Variants in AIG1 observed in about 807,000 individuals in gnomAD.
AIG1 encodes the protein androgen induced 1, also known as androgen-induced gene 1 protein.
AIG1 carries 23 observed loss-of-function variants against 31.4 expected under a neutral mutation model. The ratio of observed to expected loss-of-function variants is 0.73; its 90% CI spans 0.53 to 1.04. The LOEUF is 1.04. AIG1 is among the 50% of genes least tolerant of loss of function. The probability of loss-of-function intolerance (pLI) is 0.00; values close to 1 mark genes in which losing one functional copy is unlikely to be tolerated. For synonymous variants in AIG1, 100 were observed against 110.5 expected (o/e 0.90, Z 0.60); for missense variants, 274 against 295.0 (o/e 0.93, Z 0.52).
chr6:143,301,701 A>C (rs1798836387), intron 4 of AIG1, among the ~76,000 whole-genome samples: 1 of 152,122 alleles, frequency 6.6e-6, no homozygotes, highest in Non-Finnish European at 1.5e-5. Context: ...GCATGGGGGA[A>C]ACTGCCCCCA....
chr6:143,142,529 C>T (rs1479314757), intron 2 of AIG1, among the ~76,000 whole-genome samples: 3 of 152,170 alleles, frequency 2.0e-5, no homozygotes, highest in Non-Finnish European at 4.4e-5. Flanking sequence ...TCTGCTGCAT[C>T]GCGGTATGAA....
intron 2 of AIG1, among the ~76,000 whole-genome samples, chr6:143,164,125 A>G (rs1158113578): frequency 6.6e-6 from 1 of 152,200 alleles, no homozygotes; most frequent in Non-Finnish European, 1.5e-5. Flanking sequence ...GAGATATAAA[A>G]TGAAGTCAAA....
At chr6:143,161,563 G>A (rs1305353011) in intron 2 of AIG1, among the ~76,000 whole-genome samples, 5 of 150,394 alleles carry the variant, frequency 3.3e-5, no homozygotes, top group South Asian at 4.2e-4. Context: ...ATGTGTGTGT[G>A]TGTGTACATA....
intron 1 of AIG1, among the ~76,000 whole-genome samples, chr6:143,126,058 AG>A (rs879712332): frequency 1.3e-5 from 2 of 152,180 alleles, no homozygotes; most frequent in Non-Finnish European, 2.9e-5. Context: ...TCCTTGAAAA[AG>A]CTTGGGCTTA....
intron 1 of AIG1, among the ~76,000 whole-genome samples, chr6:143,106,865 A>G (rs553201295): frequency 5.9e-4 from 90 of 152,296 alleles, no homozygotes; most frequent in Non-Finnish European, 1.1e-3. Context: ...ACAAGGAATG[A>G]TGGCTTCCTA....
chr6:143,191,491 A>G (rs1033313161), intron 3 of AIG1, among the ~76,000 whole-genome samples: 45 of 152,092 alleles, frequency 3.0e-4, no homozygotes, highest in African/African-American at 1.0e-3. Flanking sequence ...TGTCAGTGGG[A>G]TTTTAAAGTT....
chr6:143,285,064 A>T (rs1424286219), intron 4 of AIG1, among the ~76,000 whole-genome samples: 3 of 152,030 alleles, frequency 2.0e-5, no homozygotes, highest in African/African-American at 7.2e-5. Flanking sequence ...AAAGGACTGG[A>T]TAGTGTTCTT....
At chr6:143,092,219 C>G (rs1262130466) in intron 1 of AIG1, among the ~76,000 whole-genome samples, 1 of 152,060 alleles carries the variant, frequency 6.6e-6, no homozygotes. Context: ...ATCCTCCTGC[C>G]TCAGCCTCTC....
In AIG1 at chr6:143,087,252, GC is replaced by G. The variant is rs201677958; in HGVS notation, c.141+26187del. Among the ~76,000 whole-genome samples the G allele has an allele frequency of 2.8e-3, 426 of 152,258 alleles. 10 individuals are homozygous for G. The East Asian group carries it at 0.05, about 18-fold the overall frequency. Reference sequence around the variant, plus strand: ...CTTAGAGCTCCCAAGATGGTGGCGGGCTGCTCCCAAGGTGGTGGCAAGCCTT... The same window carrying G: ...CTTAGAGCTCCCAAGATGGTGGCGGGTGCTCCCAAGGTGGTGGCAAGCCTT... On this transcript the variant is annotated intron_variant, in intron 1 of 5. Transcript: ENST00000357847.
chr6:143,140,888 A>G (rs959744315), intron 2 of AIG1, among the ~76,000 whole-genome samples: 2 of 152,194 alleles, frequency 1.3e-5, no homozygotes, highest in African/African-American at 2.4e-5. Context: ...CTATAGCTAC[A>G]GGCGCAGAGC....
intron 4 of AIG1, among the ~76,000 whole-genome samples, chr6:143,323,324 T>C (rs185509297): frequency 1.3e-4 from 20 of 152,316 alleles, no homozygotes; most frequent in Non-Finnish European, 2.8e-4. Flanking sequence ...CCTGTGTGAC[T>C]GCACAGGATA....
At chr6:143,206,442 A>G (rs1791114218) in intron 3 of AIG1, among the ~76,000 whole-genome samples, 1 of 152,226 alleles carries the variant, frequency 6.6e-6, no homozygotes, top group East Asian at 1.9e-4. Context: ...CTTTGTAAAT[A>G]TAGGTGCCAC....
intron 1 of AIG1, among the ~76,000 whole-genome samples, chr6:143,065,532 G>A (rs1309001492): frequency 6.6e-6 from 1 of 152,072 alleles, no homozygotes; most frequent in Admixed American, 6.6e-5. Context: ...TGCCCCAAAA[G>A]ATAATAAAGA....
chr6:143,184,486 G>A (rs1789041464), intron 3 of AIG1, among the ~76,000 whole-genome samples: 1 of 152,152 alleles, frequency 6.6e-6, no homozygotes, highest in African/African-American at 2.4e-5. Context: ...TTTAAATCTT[G>A]TTATTTGTCT....
chr6:143,163,412 T>A (rs1008110438), intron 2 of AIG1, among the ~76,000 whole-genome samples: 1 of 152,176 alleles, frequency 6.6e-6, no homozygotes, highest in Admixed American at 6.6e-5. Context: ...TCTCATAGCA[T>A]CCCTTATTTT....
At chr6:143,066,585 A>G (rs932174072) in intron 1 of AIG1, among the ~76,000 whole-genome samples, 3 of 152,158 alleles carry the variant, frequency 2.0e-5, no homozygotes, top group Non-Finnish European at 4.4e-5. Flanking sequence ...AATTCTGCCT[A>G]TTTTCAAAAC....
intron 3 of AIG1, among the ~76,000 whole-genome samples, chr6:143,213,574 T>C (rs1315266612): frequency 7.0e-6 from 1 of 142,862 alleles, no homozygotes; most frequent in African/African-American, 2.7e-5. Context: ...TGGAGTGCAG[T>C]GGCACAATCT....
intron 2 of AIG1, among the ~76,000 whole-genome samples, chr6:143,152,460 T>C (rs893222604): frequency 2.6e-5 from 4 of 152,306 alleles, no homozygotes; most frequent in East Asian, 3.9e-4. Context: ...GTTTTTTTTT[T>C]CCAAAAGAAA....
chr6:143,295,926 A>G (rs1361604154), intron 4 of AIG1, among the ~76,000 whole-genome samples: 1 of 152,218 alleles, frequency 6.6e-6, no homozygotes, highest in Non-Finnish European at 1.5e-5. Context: ...GAGTTAATCC[A>G]AGCACATTTT....
Sources: gnomAD v4.1 joint callset for allele counts (sites outside exome capture counted in the v4.1 genomes callset) on GRCh38, gnomAD v4.1.1 for gene constraint, MANE v1.5 for transcripts, NCBI Gene and HGNC (gene_info 2026-07-23, HGNC 2026-07-21) for gene names.